Variants in KLRF1 observed in about 807,000 individuals in gnomAD.
KLRF1 encodes the protein killer cell lectin like receptor F1, also known as killer cell lectin-like receptor subfamily F member 1.
Under a neutral mutation model 30.7 loss-of-function variants are expected in KLRF1, and 27 were observed. The observed-to-expected ratio is 0.88, with a 90% CI of 0.65 to 1.21. The LOEUF is 1.21. Among genes scored for constraint, KLRF1 ranks in the 50% most tolerant of loss-of-function variants. The pLI, the probability that KLRF1 is intolerant of heterozygous loss-of-function variation, is 0.00. For missense variants in KLRF1, 246 were observed against 259.3 expected (o/e 0.95, Z 0.35); for synonymous variants, 92 against 89.3 (o/e 1.03, Z -0.17).
chr12:9,828,187 C>A (rs986188856), intron 1 of KLRF1, among the ~76,000 whole-genome samples: 1 of 151,762 alleles, frequency 6.6e-6, no homozygotes, highest in Non-Finnish European at 1.5e-5. Flanking sequence ...TCAAGCAATT[C>A]TCCTGCCTCA....
chr12:9,833,442 A>C lies in KLRF1; in HGVS notation c.324A>C (p.Ala108=), dbSNP rs760507686. The change falls in exon 3 of 6, where the codon GCA becomes GCC. Residue 108 remains alanine, a synonymous_variant. Coordinates refer to ENST00000617889, the MANE Select transcript of KLRF1 (RefSeq NM_016523.3). The part of the protein sequence containing the change: ...SNKDLCASRS[A]DQTVLCQSEW... Reference sequence around the variant, plus strand: ...AGGACCTTTGTGCTTCGAGATCTGCAGACCAGACAGGTATGTCTCAAGGCT... The same window carrying C: ...AGGACCTTTGTGCTTCGAGATCTGCCGACCAGACAGGTATGTCTCAAGGCT... 1 of 1,606,014 alleles carries C rather than the reference A, an allele frequency of 6.2e-7. No individual in the cohort carries two copies. The highest frequency in any genetic ancestry group is 2.2e-5 in the East Asian group (1 of 44,514).
intron 2 of KLRF1, among the ~76,000 whole-genome samples, chr12:9,832,656 A>AGT (rs58686028): frequency 0.011 from 1,647 of 146,706 alleles, 19 homozygotes; most frequent in African/African-American, 0.027. Context: ...GTATGTGTAG[A>AGT]GTGTGTGTGT....
chr12:9,821,839 C>T, the KLRF1 span, among the ~76,000 whole-genome samples: 2 of 152,210 alleles, frequency 1.3e-5, no homozygotes, highest in Admixed American at 6.5e-5. Flanking sequence ...AAGAGCCAAC[C>T]AACTGAACAC....
rs1425753307 is a variant in KLRF1, at chr12:9,842,316, T to G, written c.475-5T>G. The G allele has an allele frequency of 3.1e-6, 5 of 1,610,408 alleles. No individual in the cohort carries two copies. Among genetic ancestry groups the G allele is most frequent in the Non-Finnish European group, 4.2e-6 (5 of 1,178,072 alleles). ...TGTTCATTTAGTCCCTCGTCCACAT[T>G]TTAGGCTTTTATACAGAAAAACCTA... is the stretch of plus-strand genomic sequence containing the variant. On this transcript the variant is annotated splice_polypyrimidine_tract_variant and splice_region_variant and intron_variant, in intron 4 of 5. Coordinates refer to ENST00000617889, the MANE Select transcript of KLRF1 (RefSeq NM_016523.3).
the KLRF1 span, among the ~76,000 whole-genome samples, chr12:9,808,196 G>A: frequency 2.0e-5 from 3 of 152,066 alleles, no homozygotes; most frequent in African/African-American, 7.2e-5. Flanking sequence ...TGACATATGT[G>A]TGAATCCATG....
chr12:9,828,666 C>T (rs1019183237), intron 1 of KLRF1, among the ~76,000 whole-genome samples: 2 of 152,114 alleles, frequency 1.3e-5, no homozygotes, highest in Non-Finnish European at 2.9e-5. Context: ...TTACTTATCT[C>T]TTGAGTCCTT....
chr12:9,832,458 T>G, intron 2 of KLRF1, 44 bp downstream of exon 2: 2 of 1,064,226 alleles, frequency 1.9e-6, no homozygotes, highest in Non-Finnish European at 2.9e-6. Flanking sequence ...TGAAAGATGT[T>G]TACTTGTCTC....
chr12:9,824,181 G>T (rs1246552295), upstream of KLRF1, among the ~76,000 whole-genome samples: 1 of 151,946 alleles, frequency 6.6e-6, no homozygotes. Flanking sequence ...AAGAAAACTC[G>T]AGGCCGGCAT....
At chr12:9,820,013 G>T in the KLRF1 span, among the ~76,000 whole-genome samples, 1 of 151,320 alleles carries the variant, frequency 6.6e-6, no homozygotes, top group Non-Finnish European at 1.5e-5. Context: ...GTTATGAGGG[G>T]GCTGGTTGGA....
chr12:9,828,373 G>A (rs1236645368), intron 1 of KLRF1, among the ~76,000 whole-genome samples: 10 of 151,976 alleles, frequency 6.6e-5, no homozygotes, highest in East Asian at 1.9e-4. Flanking sequence ...GAGCCACCGC[G>A]CCCAGCCTTT....
chr12:9,804,998 ATTGT>A, the KLRF1 span, among the ~76,000 whole-genome samples: 1 of 151,816 alleles, frequency 6.6e-6, no homozygotes, highest in South Asian at 2.1e-4. Flanking sequence ...CTTTTTGTGT[ATTGT>A]TTGATTCAAT....
the KLRF1 span, among the ~76,000 whole-genome samples, chr12:9,818,208 C>T: frequency 6.6e-6 from 1 of 152,224 alleles, no homozygotes; most frequent in East Asian, 1.9e-4. Flanking sequence ...CTGAGCTCTT[C>T]TGGCCATAGA....
At chr12:9,824,360 A>G (rs1473981471), upstream of KLRF1, among the ~76,000 whole-genome samples, 1 of 152,202 alleles carries the variant, frequency 6.6e-6, no homozygotes, top group Admixed American at 6.5e-5. Context: ...ACAGAACTAA[A>G]CACAAAAATC....
At chr12:9,826,140 T>C (rs115827704), upstream of KLRF1, among the ~76,000 whole-genome samples, 1,715 of 152,242 alleles carry the variant, frequency 0.011, 31 homozygotes, top group African/African-American at 0.039. Flanking sequence ...ATTTTAAATT[T>C]GGGAGTACAT....
chr12:9,828,943 A>T (rs1427775635), intron 1 of KLRF1, among the ~76,000 whole-genome samples: 1 of 152,184 alleles, frequency 6.6e-6, no homozygotes, highest in Admixed American at 6.5e-5. Flanking sequence ...GCTCCCAGAT[A>T]TTTAAGTGAC....
chr12:9,840,938 C>A (rs1231108823), intron 3 of KLRF1, among the ~76,000 whole-genome samples: 1 of 152,112 alleles, frequency 6.6e-6, no homozygotes, highest in Non-Finnish European at 1.5e-5. Flanking sequence ...ACCCCGCAAT[C>A]CCATTACTGG....
chr12:9,816,820 G>A, the KLRF1 span, among the ~76,000 whole-genome samples: 4 of 147,412 alleles, frequency 2.7e-5, no homozygotes, highest in African/African-American at 7.6e-5. Flanking sequence ...TGCAATCTCC[G>A]CCTCTCAGGT....
intron 1 of KLRF1, among the ~76,000 whole-genome samples, chr12:9,829,016 AT>A (rs1256779932): frequency 6.6e-6 from 1 of 152,180 alleles, no homozygotes; most frequent in Non-Finnish European, 1.5e-5. Context: ...GGTAAGACGT[AT>A]TTTATGTGAA....
the KLRF1 span, among the ~76,000 whole-genome samples, chr12:9,812,369 A>G: frequency 1.2e-3 from 4 of 3,372 alleles, no homozygotes; most frequent in Non-Finnish European, 0.094. Context: ...CGTCTCAGGA[A>G]AAAAAAAAAA....
Sources: gnomAD v4.1 joint callset for allele counts (sites outside exome capture counted in the v4.1 genomes callset) on GRCh38, gnomAD v4.1.1 for gene constraint, MANE v1.5 for transcripts, NCBI Gene and HGNC (gene_info 2026-07-23, HGNC 2026-07-21) for gene names.